Variants in CDH13 observed in about 807,000 individuals in gnomAD.
CDH13 encodes cadherin-13.
CDH13 carries 24 observed loss-of-function variants against 63.8 expected under a neutral mutation model. The observed-to-expected ratio is 0.38, with a 90% confidence interval of 0.27 to 0.53. The LOEUF (loss-of-function observed/expected upper bound fraction) is 0.53. Ranked by LOEUF, CDH13 falls within the 20% of genes least tolerant of loss-of-function variation. The pLI is 0.85. For synonymous variants in CDH13, 503 were observed against 355.3 expected (o/e 1.42, Z -4.67); for missense variants, 1,049 against 903.1 (o/e 1.16, Z -2.07).
chr16:82,891,527 T>C (rs1441307194), intron 2 of CDH13, among the ~76,000 whole-genome samples: 3 of 152,186 alleles, frequency 2.0e-5, no homozygotes, highest in Non-Finnish European at 4.4e-5. Context: ...TCCCACCTAT[T>C]GAGTACACTG....
intron 2 of CDH13, among the ~76,000 whole-genome samples, chr16:83,012,473 C>G (rs913177713): frequency 6.6e-6 from 1 of 152,004 alleles, no homozygotes; most frequent in Non-Finnish European, 1.5e-5. Flanking sequence ...TTCCAAGAGG[C>G]TAAATTTTCA....
chr16:83,329,084 C>G (rs4782770), intron 5 of CDH13, among the ~76,000 whole-genome samples: 60,557 of 152,036 alleles, frequency 0.4, 12,501 homozygotes, highest in Admixed American at 0.47. Context: ...GCACAAATCT[C>G]TGGGCCACTG....
chr16:83,529,683 AAT>A (rs1222441757), intron 7 of CDH13, among the ~76,000 whole-genome samples: 1 of 152,156 alleles, frequency 6.6e-6, no homozygotes, highest in African/African-American at 2.4e-5. Flanking sequence ...TATAAATGGA[AAT>A]AGAGATTTTA....
intron 7 of CDH13, among the ~76,000 whole-genome samples, chr16:83,490,048 C>G (rs12444035): frequency 0.11 from 16,336 of 150,160 alleles, 1,122 homozygotes; most frequent in Admixed American, 0.18. Flanking sequence ...CACACACACA[C>G]AGCTCACCAG....
At chr16:83,049,826 A>G (rs2030091222) in intron 3 of CDH13, among the ~76,000 whole-genome samples, 1 of 152,188 alleles carries the variant, frequency 6.6e-6, no homozygotes, top group Non-Finnish European at 1.5e-5. Context: ...AATGTATTTG[A>G]GTACTAATTT....
chr16:83,654,763 C>G (rs1912708719), intron 8 of CDH13: 1 of 152,274 alleles, frequency 6.6e-6, no homozygotes, highest in Non-Finnish European at 1.5e-5. Flanking sequence ...CGTCCCCTTT[C>G]TGCATTAGGC....
chr16:83,013,399 C>A (rs943793142), intron 2 of CDH13, among the ~76,000 whole-genome samples: 4 of 152,180 alleles, frequency 2.6e-5, no homozygotes, highest in Non-Finnish European at 5.9e-5. Flanking sequence ...CTCAGTTAGG[C>A]CCACTCTAGT....
chr16:83,650,190 T>C (rs886940131), intron 8 of CDH13, among the ~76,000 whole-genome samples: 13 of 152,032 alleles, frequency 8.6e-5, no homozygotes, highest in Non-Finnish European at 1.6e-4. Flanking sequence ...ATGTATTTAT[T>C]GAAAAGCAGC....
chr16:82,683,583 C>T (rs953539903), intron 1 of CDH13, among the ~76,000 whole-genome samples: 2 of 152,194 alleles, frequency 1.3e-5, no homozygotes, highest in African/African-American at 4.8e-5. Flanking sequence ...GAAGGACCAG[C>T]AGCTCTCAAG....
At chr16:82,839,317 G>A (rs909811780) in intron 1 of CDH13, among the ~76,000 whole-genome samples, 3 of 152,144 alleles carry the variant, frequency 2.0e-5, no homozygotes, top group African/African-American at 7.2e-5. Context: ...ATTATTACTG[G>A]CATGTTGCTT....
At chr16:82,937,378 G>GT (rs1188814260) in intron 2 of CDH13, among the ~76,000 whole-genome samples, 1 of 151,344 alleles carries the variant, frequency 6.6e-6, no homozygotes, top group East Asian at 1.9e-4. Flanking sequence ...TTGTCTCTCT[G>GT]TCCCTCTGTG....
intron 7 of CDH13, among the ~76,000 whole-genome samples, chr16:83,508,123 G>GGAAA (rs1567722358): frequency 4.5e-5 from 2 of 44,208 alleles, no homozygotes; most frequent in African/African-American, 2.0e-4. Context: ...GGAAGGAAGG[G>GGAAA]AGGAAGGAAA....
At position 82,840,486 on chromosome 16, in the gene CDH13, C is replaced by T. The variant is rs565620576; in HGVS notation, c.46-17876C>T. Among the ~76,000 whole-genome samples, 15 of 151,600 alleles carry T rather than the reference C, an allele frequency of 9.9e-5. No individual in the cohort carries two copies. The South Asian group carries it at 1.5e-3, about 15-fold the overall frequency. ...TCATTTGAGGTCAGGACTTTGAGAC[C>T]AGCCTGACCAACATGGTGAAACCTC... On this transcript the variant is annotated intron_variant, in intron 1 of 13. Coordinates refer to ENST00000567109, the MANE Select transcript of CDH13 (RefSeq NM_001257.5).
intron 2 of CDH13, among the ~76,000 whole-genome samples, chr16:82,983,127 A>C (rs1294529158): frequency 6.6e-6 from 1 of 152,164 alleles, no homozygotes; most frequent in African/African-American, 2.4e-5. Flanking sequence ...TACTAAGGCA[A>C]ATCTGTTTCT....
chr16:83,775,627 G>C (rs1915055461), intron 11 of CDH13, among the ~76,000 whole-genome samples: 1 of 152,006 alleles, frequency 6.6e-6, no homozygotes, highest in Non-Finnish European at 1.5e-5. Context: ...CCTATTGAAA[G>C]AGAAAATTCC....
intron 13 of CDH13, among the ~76,000 whole-genome samples, chr16:83,788,040 A>G (rs1000867101): frequency 5.3e-5 from 8 of 152,216 alleles, no homozygotes; most frequent in Non-Finnish European, 1.2e-4. Flanking sequence ...TAAAAATTCT[A>G]TGTGTGTGTA....
At chr16:83,646,655 G>C (rs960020682) in intron 8 of CDH13, among the ~76,000 whole-genome samples, 28 of 130,070 alleles carry the variant, frequency 2.2e-4, no homozygotes, top group Admixed American at 1.9e-4. Flanking sequence ...TCACGCGATT[G>C]CACTCCAGCC....
At chr16:83,111,484 G>A (rs1233005865) in intron 3 of CDH13, among the ~76,000 whole-genome samples, 8 of 152,232 alleles carry the variant, frequency 5.3e-5, no homozygotes, top group Admixed American at 5.2e-4. Context: ...ATGTGTCTGA[G>A]GATTTGCAAG....
intron 8 of CDH13, among the ~76,000 whole-genome samples, chr16:83,664,787 T>G (rs73248727): frequency 6.6e-6 from 1 of 152,078 alleles, no homozygotes; most frequent in African/African-American, 2.4e-5. Flanking sequence ...GCATCCATAA[T>G]TGGCCACAGG....
Sources: gnomAD v4.1 joint callset for allele counts (sites outside exome capture counted in the v4.1 genomes callset) on GRCh38, gnomAD v4.1.1 for gene constraint, MANE v1.5 for transcripts, NCBI Gene and HGNC (gene_info 2026-07-23, HGNC 2026-07-21) for gene names.